The following MBNL1 variants were observed in gnomAD, a reference collection of about 807,000 sequenced individuals.
MBNL1 encodes the protein muscleblind like splicing regulator 1, also known as muscleblind-like protein 1.
In MBNL1, 8 loss-of-function variants were observed where a neutral mutation model predicts 42.2. That is an observed-to-expected ratio of 0.19 (90% CI 0.11 to 0.34). The LOEUF (loss-of-function observed/expected upper bound fraction) is 0.34, where lower values mean the gene tolerates loss of function less well. Among genes scored for constraint, MBNL1 ranks in the 10% least tolerant of loss-of-function variants. The pLI, the probability that MBNL1 is intolerant of heterozygous loss-of-function variation, is 1.00. For missense variants in MBNL1, 309 were observed against 495.3 expected (o/e 0.62, Z 3.57); for synonymous variants, 169 against 173.9 (o/e 0.97, Z 0.22).
intron 2 of MBNL1, among the ~76,000 whole-genome samples, chr3:152,391,778 A>G (rs567018601): frequency 1.1e-4 from 16 of 152,346 alleles, no homozygotes; most frequent in Non-Finnish European, 2.2e-4. Context: ...TTTGATTAGT[A>G]AAGTGCTGAC....
intron 2 of MBNL1, among the ~76,000 whole-genome samples, chr3:152,407,439 T>C (rs1439950128): frequency 6.6e-6 from 1 of 152,090 alleles, no homozygotes; most frequent in Non-Finnish European, 1.5e-5. Context: ...AATTGCCTCA[T>C]TTTTTCACCT....
chr3:152,356,276 T>G (rs2095512294), intron 2 of MBNL1, among the ~76,000 whole-genome samples: 1 of 152,100 alleles, frequency 6.6e-6, no homozygotes, highest in Non-Finnish European at 1.5e-5. Context: ...TTCTATTCTT[T>G]CCTGAGATTG....
chr3:152,442,466 G>A (rs1004163675), intron 4 of MBNL1, among the ~76,000 whole-genome samples: 3 of 152,202 alleles, frequency 2.0e-5, no homozygotes, highest in African/African-American at 7.2e-5. Context: ...ATGAACCACA[G>A]TGTTGTTAGA....
chr3:152,269,386 AG>A, intron 1 of MBNL1: 2 of 363,710 alleles, frequency 5.5e-6, no homozygotes, highest in South Asian at 2.0e-5. Context: ...AGGGAGAAAC[AG>A]GGGGGCGAGA....
chr3:152,427,792 A>G (rs891760536), intron 3 of MBNL1, among the ~76,000 whole-genome samples: 1 of 150,596 alleles, frequency 6.6e-6, no homozygotes. Flanking sequence ...AAATTAAAAA[A>G]ATTTTTTAAA....
intron 3 of MBNL1, among the ~76,000 whole-genome samples, chr3:152,424,207 G>A (rs2098855582): frequency 1.3e-5 from 2 of 152,154 alleles, no homozygotes. Context: ...TCCTTAAGCT[G>A]ATAAGCTACT....
Position 152,420,220 on chromosome 3 carries a change from T to A in MBNL1, c.345+5109T>A, listed in dbSNP as rs149793096. 1.1e-4 allele frequency among the ~76,000 whole-genome samples: 17 copies of A among 152,330 alleles called. No homozygotes were observed. In the East Asian group the frequency reaches 3.1e-3, roughly 28 times the overall value. On this transcript the variant is annotated intron_variant, in intron 3 of 9. Coordinates refer to ENST00000324210, the MANE Select transcript of MBNL1 (RefSeq NM_021038.5). ...AATGTTTATTTCTGCCTGCCAGCTC[T>A]GAAGAGAGCAGCAGATCTCCCACCT...
chr3:152,336,831 T>C (rs1279146834), intron 2 of MBNL1, among the ~76,000 whole-genome samples: 1 of 152,192 alleles, frequency 6.6e-6, no homozygotes, highest in Non-Finnish European at 1.5e-5. Flanking sequence ...TAAAATAGAC[T>C]ACTGTTACTA....
At chr3:152,378,398 A>G (rs2097016563) in intron 2 of MBNL1, among the ~76,000 whole-genome samples, 1 of 152,084 alleles carries the variant, frequency 6.6e-6, no homozygotes, top group African/African-American at 2.4e-5. Flanking sequence ...GTACTTTTTA[A>G]AAATATTTCT....
At chr3:152,249,761 T>C (rs1193200177) in intron 2 of MBNL1, among the ~76,000 whole-genome samples, 1 of 135,012 alleles carries the variant, frequency 7.4e-6, no homozygotes, top group Non-Finnish European at 1.6e-5. Context: ...GGTCTAACGG[T>C]TAAGTCTTTA....
chr3:152,455,678 C>G (rs1732219933), intron 7 of MBNL1, 101 bp downstream of exon 7: 2 of 1,026,284 alleles, frequency 1.9e-6, no homozygotes, highest in African/African-American at 1.6e-5. Context: ...TTGGGCAAGT[C>G]CATTTCCCTT....
chr3:152,262,650 G>A (rs780086236), intron 2 of MBNL1: 5 of 152,140 alleles, frequency 3.3e-5, no homozygotes, highest in African/African-American at 4.8e-5. Flanking sequence ...ATGGAACAGT[G>A]TTACTACGTA....
At chr3:152,442,658 T>A (rs1257284982) in intron 4 of MBNL1, among the ~76,000 whole-genome samples, 3 of 152,068 alleles carry the variant, frequency 2.0e-5, no homozygotes, top group Non-Finnish European at 1.5e-5. Context: ...TGTCCTTGAG[T>A]TTATCAGAGA....
chr3:152,315,880 TCTCTCTCA>T lies in MBNL1; in HGVS notation c.174+15517_174+15524del, dbSNP rs544475711. Among the ~76,000 whole-genome samples the T allele has an allele frequency of 5.5e-3, 828 of 151,426 alleles. 5 individuals are homozygous for T. Among genetic ancestry groups the T allele is most frequent in the African/African-American group, 0.019 (787 of 41,286 alleles). On this transcript the variant is annotated intron_variant, in intron 2 of 9. Coordinates refer to ENST00000324210, the MANE Select transcript of MBNL1 (RefSeq NM_021038.5). ...CACACACACACACTCTCTCTCTCTC[TCTCTCTCA>T]CTCCTCTCTCTCTCACACACATATG...
intron 2 of MBNL1, among the ~76,000 whole-genome samples, chr3:152,257,020 G>T (rs2035540135): frequency 6.6e-6 from 1 of 152,112 alleles, no homozygotes; most frequent in East Asian, 1.9e-4. Flanking sequence ...GTATTACAGG[G>T]TGTGGAGGAT....
At chr3:152,383,159 C>T (rs2097257295) in intron 2 of MBNL1, among the ~76,000 whole-genome samples, 1 of 152,064 alleles carries the variant, frequency 6.6e-6, no homozygotes, top group African/African-American at 2.4e-5. Flanking sequence ...TGGTTTTGTG[C>T]AAACTGCCTT....
intron 2 of MBNL1, among the ~76,000 whole-genome samples, chr3:152,345,497 G>T (rs541570840): frequency 2.6e-5 from 4 of 152,190 alleles, no homozygotes; most frequent in East Asian, 3.9e-4. Context: ...GTGGAAATAG[G>T]ACTTTGATAT....
intron 2 of MBNL1, among the ~76,000 whole-genome samples, chr3:152,405,034 C>G (rs982181817): frequency 8.6e-5 from 13 of 151,978 alleles, no homozygotes; most frequent in Non-Finnish European, 1.5e-4. Context: ...CTAAATTTTT[C>G]CCATTACACT....
At chr3:152,349,285 G>A (rs2094649650) in intron 2 of MBNL1, among the ~76,000 whole-genome samples, 2 of 151,888 alleles carry the variant, frequency 1.3e-5, no homozygotes, top group Admixed American at 1.3e-4. Flanking sequence ...TGATTTATGG[G>A]GCTAGATTTT....
Sources: allele counts gnomAD v4.1 joint callset (sites outside exome capture counted in the v4.1 genomes callset), GRCh38; gene constraint gnomAD v4.1.1; transcripts MANE v1.5; gene names NCBI Gene and HGNC (gene_info 2026-07-23, HGNC 2026-07-21).